The following SYT14 variants were observed in gnomAD, a reference collection of about 807,000 sequenced individuals.
The protein encoded by SYT14 is synaptotagmin-14.
Under a neutral mutation model 74.2 loss-of-function variants are expected in SYT14, and 32 were observed. The observed-to-expected ratio is 0.43, with a 90% CI of 0.33 to 0.58. The LOEUF is 0.58. SYT14 is among the 20% of genes least tolerant of loss of function. The pLI, the probability that SYT14 is intolerant of heterozygous loss-of-function variation, is 0.05. For synonymous variants in SYT14, 298 were observed against 337.7 expected (o/e 0.88, Z 1.29); for missense variants, 791 against 981.8 (o/e 0.81, Z 2.60).
intron 7 of SYT14, among the ~76,000 whole-genome samples, chr1:210,144,108 C>T (rs1043326875): frequency 3.9e-5 from 6 of 152,130 alleles, no homozygotes; most frequent in African/African-American, 1.2e-4. Flanking sequence ...GCTGCTAATA[C>T]GTTTTCATCT....
chr1:209,996,838 T>C (rs1441602745), intron 2 of SYT14, among the ~76,000 whole-genome samples: 1 of 152,086 alleles, frequency 6.6e-6, no homozygotes, highest in East Asian at 1.9e-4. Flanking sequence ...TGTGATTCAC[T>C]GCATGAACAG....
chr1:210,057,865 G>A (rs1317661893), intron 5 of SYT14, among the ~76,000 whole-genome samples: 2 of 152,140 alleles, frequency 1.3e-5, no homozygotes, highest in Non-Finnish European at 2.9e-5. Flanking sequence ...TCCATATGCA[G>A]ATTTCTTGTG....
At chr1:210,163,349 C>A (rs1380047522) in exon 10 of SYT14, 3 of 453,584 alleles carry the variant, frequency 6.6e-6, no homozygotes, top group Non-Finnish European at 1.3e-5. Flanking sequence ...TCCTTCATGG[C>A]TTAAAAATTA....
chr1:210,031,858 T>G (rs913247220), intron 5 of SYT14, among the ~76,000 whole-genome samples: 2 of 152,106 alleles, frequency 1.3e-5, no homozygotes, highest in African/African-American at 4.8e-5. Context: ...AAAACCTGTT[T>G]TAATAAATCC....
intron 2 of SYT14, among the ~76,000 whole-genome samples, chr1:210,009,765 G>C (rs923174309): frequency 2.0e-5 from 3 of 152,042 alleles, no homozygotes; most frequent in African/African-American, 7.2e-5. Flanking sequence ...AGTGTAGCAT[G>C]TCAAAAACTA....
intron 7 of SYT14, among the ~76,000 whole-genome samples, chr1:210,130,549 G>A (rs1430434485): frequency 3.9e-5 from 6 of 152,136 alleles, no homozygotes; most frequent in Non-Finnish European, 8.8e-5. Context: ...ATACTGATTT[G>A]GAAAATATGC....
At chr1:210,160,607 A>G (rs1034755169) in intron 9 of SYT14, 122 bp from the exon 9 acceptor site, 66 of 839,252 alleles carry the variant, frequency 7.9e-5, no homozygotes, top group Non-Finnish European at 1.1e-4. Context: ...TCGAATGTCC[A>G]TTAAACATGG....
At chr1:209,968,689 A>T (rs1414024273) in intron 2 of SYT14, among the ~76,000 whole-genome samples, 4 of 146,130 alleles carry the variant, frequency 2.7e-5, no homozygotes, top group African/African-American at 1.0e-4. Context: ...TGGATTTAAG[A>T]TTCCTTCATG....
At chr1:210,158,316 C>T (rs1177723724) in intron 8 of SYT14, among the ~76,000 whole-genome samples, 1 of 152,222 alleles carries the variant, frequency 6.6e-6, no homozygotes, top group East Asian at 1.9e-4. Context: ...CTGTGACAAA[C>T]ATAAGAGTGC....
intron 2 of SYT14, among the ~76,000 whole-genome samples, chr1:210,009,755 A>G (rs2080052142): frequency 6.6e-6 from 1 of 152,162 alleles, no homozygotes; most frequent in African/African-American, 2.4e-5. Context: ...TGGCATTTCC[A>G]GTGTAGCATG....
intron 6 of SYT14, among the ~76,000 whole-genome samples, chr1:210,097,897 C>G (rs2081993917): frequency 6.6e-6 from 1 of 152,114 alleles, no homozygotes; most frequent in Admixed American, 6.5e-5. Flanking sequence ...CAAGGACTAA[C>G]TGGGCATGGT....
intron 5 of SYT14, among the ~76,000 whole-genome samples, chr1:210,037,823 A>T (rs944534491): frequency 7.9e-5 from 12 of 151,950 alleles, no homozygotes; most frequent in Non-Finnish European, 1.8e-4. Context: ...TTTGATTTTT[A>T]AAAAATTTAT....
intron 2 of SYT14, among the ~76,000 whole-genome samples, chr1:210,009,253 C>A (rs756269552): frequency 2.6e-5 from 4 of 152,064 alleles, no homozygotes; most frequent in African/African-American, 4.8e-5. Flanking sequence ...TGGCTGACTT[C>A]TGGTATCATA....
At chr1:210,096,947 TACTC>T (rs1225712022) in intron 6 of SYT14, among the ~76,000 whole-genome samples, 2 of 152,350 alleles carry the variant, frequency 1.3e-5, no homozygotes, top group Non-Finnish European at 2.9e-5. Flanking sequence ...GCTGCTTCTT[TACTC>T]ACTATCTATA....
At chr1:209,952,158 A>G (rs950963956) in intron 1 of SYT14, among the ~76,000 whole-genome samples, 5 of 152,232 alleles carry the variant, frequency 3.3e-5, no homozygotes, top group Non-Finnish European at 7.3e-5. Context: ...TTTTTAAAAA[A>G]GAAACATTAC....
At chr1:210,133,995 TACA>T (rs1273466853) in intron 7 of SYT14, among the ~76,000 whole-genome samples, 1 of 152,114 alleles carries the variant, frequency 6.6e-6, no homozygotes, top group Non-Finnish European at 1.5e-5. Flanking sequence ...TTGGCAGGAT[TACA>T]ACATTATTCA....
intron 2 of SYT14, among the ~76,000 whole-genome samples, chr1:209,992,357 A>G (rs2079705958): frequency 6.6e-6 from 1 of 152,238 alleles, no homozygotes; most frequent in Non-Finnish European, 1.5e-5. Context: ...ACTATAAAAA[A>G]GAATGAAATC....
intron 2 of SYT14, among the ~76,000 whole-genome samples, chr1:209,984,739 C>T (rs181304375): frequency 6.6e-6 from 1 of 152,280 alleles, no homozygotes; most frequent in Admixed American, 6.5e-5. Flanking sequence ...GCTCACGGTT[C>T]TGCAGGCTGT....
At chr1:210,014,053 A>C (rs1206516736) in intron 3 of SYT14, among the ~76,000 whole-genome samples, 1 of 152,132 alleles carries the variant, frequency 6.6e-6, no homozygotes, top group Non-Finnish European at 1.5e-5. Flanking sequence ...TATGCTTTTG[A>C]GCCTATAATA....
Sources: allele counts gnomAD v4.1 joint callset (sites outside exome capture counted in the v4.1 genomes callset), GRCh38; gene constraint gnomAD v4.1.1; transcripts MANE v1.5; gene names NCBI Gene and HGNC (gene_info 2026-07-23, HGNC 2026-07-21).